Variants in CFH observed in about 807,000 individuals in gnomAD.
CFH encodes H factor 1 (complement).
Under a neutral mutation model 147.3 loss-of-function variants are expected in CFH, and 53 were observed. The observed-to-expected ratio is 0.36, with a 90% CI of 0.29 to 0.45. The LOEUF is 0.45. Among genes scored for constraint, CFH ranks in the 20% least tolerant of loss-of-function variants. The pLI is 1.00. For missense variants in CFH, 1,380 were observed against 1,498.0 expected, an observed-to-expected ratio of 0.92 and a Z score of 1.30; for synonymous variants, 536 against 489.4, an observed-to-expected ratio of 1.10 and a Z score of -1.26.
chr1:196,673,140 T>G lies in CFH; in HGVS notation c.221T>G (p.Leu74Arg). ...TGCAGGAAGGGAGAATGGGTTGCTC[T>G]TAATCCATTAAGGAAATGTCAGAGT... ...MVCRKGEWVA[L>R]NPLRKCQKRP... Residue 74 changes from leucine (L) to arginine (R), a missense_variant, in exon 2 of 22, where the codon CTT (leucine) becomes CGT (arginine). Around this residue, in one of 4 missense-constraint regions of CFH, gnomAD observed 260 missense variants for 263.3 expected, o/e 0.99. Coordinates refer to ENST00000367429, the MANE Select transcript of CFH (RefSeq NM_000186.4). 1 of 1,613,472 alleles carries G rather than the reference T, an allele frequency of 6.2e-7. No homozygotes were observed. The highest frequency in any genetic ancestry group is 8.5e-7 in the Non-Finnish European group (1 of 1,179,564).
intron 18 of CFH, chr1:196,741,135 G>A (rs1652796537): frequency 1.1e-5 from 3 of 277,196 alleles, no homozygotes; most frequent in Non-Finnish European, 2.1e-5. Context: ...TACATTTTCT[G>A]AAATATTTTA....
intron 9 of CFH, chr1:196,701,277 G>T: frequency 6.2e-7 from 1 of 1,613,614 alleles, no homozygotes. Context: ...ATCTCAGCAA[G>T]CCTAACTCAG....
intron 9 of CFH, among the ~76,000 whole-genome samples, chr1:196,708,572 A>T (rs1668649733): frequency 2.0e-5 from 3 of 151,756 alleles, no homozygotes; most frequent in Admixed American, 1.3e-4. Context: ...AGCCTGTAAA[A>T]AAAGATCCCT....
At position 196,740,606 on chromosome 1, in the gene CFH, C is replaced by CTT; in HGVS notation, c.2783-4_2783-3dup. 1 of 1,396,484 alleles carries CTT rather than the reference C, an allele frequency of 7.2e-7. No homozygotes were observed. The highest frequency in any genetic ancestry group is 1.4e-5 in the African/African-American group (1 of 69,046). The allele number at this position is 1,396,484 out of a possible 1,614,324, so 86.5% of individuals were successfully genotyped here. A position where few individuals can be genotyped will look rare whatever the true frequency, so the allele number is the denominator to read the frequency against. On this transcript the variant is annotated splice_polypyrimidine_tract_variant and intron_variant, in intron 17 of 21. Transcript: ENST00000367429. ...TGAGTTAGTGAAACCTGAATTCATTCTTTTTTTTTTAGGCCTTCCTTGTAA... is the reference window on the plus strand; with the variant it reads ...TGAGTTAGTGAAACCTGAATTCATTCTTTTTTTTTTTTAGGCCTTCCTTGTAA...
At chr1:196,656,686 G>GTTTTTT (rs563378238) in intron 1 of CFH, among the ~76,000 whole-genome samples, 3 of 132,550 alleles carry the variant, frequency 2.3e-5, no homozygotes, top group African/African-American at 8.5e-5. Context: ...TGTGTGTTGC[G>GTTTTTT]TTTTTTTTTT....
chr1:196,702,733 T>G (rs1181261298), intron 9 of CFH, among the ~76,000 whole-genome samples: 2 of 152,112 alleles, frequency 1.3e-5, no homozygotes, highest in Non-Finnish European at 2.9e-5. Flanking sequence ...GCTGCTCAGA[T>G]TGCAGTTCCC....
intron 11 of CFH, among the ~76,000 whole-genome samples, chr1:196,724,084 C>G (rs1311192597): frequency 6.6e-6 from 1 of 152,044 alleles, no homozygotes; most frequent in Non-Finnish European, 1.5e-5. Context: ...GCAGGTTGCT[C>G]TTGCACACAG....
At chr1:196,674,585 T>G (rs1326073319) in intron 3 of CFH, among the ~76,000 whole-genome samples, 1 of 142,778 alleles carries the variant, frequency 7.0e-6, no homozygotes, top group Admixed American at 7.2e-5. Context: ...AAAATTATTT[T>G]GGAGAAAAAT....
chr1:196,667,590 G>T (rs775076837), intron 1 of CFH, among the ~76,000 whole-genome samples: 1 of 152,006 alleles, frequency 6.6e-6, no homozygotes, highest in Non-Finnish European at 1.5e-5. Context: ...TTTATTAAAA[G>T]TAATCATCAT....
rs761644740 is a variant in CFH at position 196,715,956 on chromosome 1, A to G, written c.1696+187A>G. ...TATCTCTAAAGTAGTGCATTAAATT[A>G]ATACTTCCTATGGGCCACCTACCTT... On this transcript the variant is annotated intron_variant, in intron 11 of 21. Coordinates refer to ENST00000367429, the MANE Select transcript of CFH (RefSeq NM_000186.4). Among the ~76,000 whole-genome samples, 45 of 152,122 alleles carry G rather than the reference A, an allele frequency of 3.0e-4. 1 individual carries two copies. The highest frequency in any genetic ancestry group is 8.5e-4 in the Admixed American group (13 of 15,240).
chr1:196,700,164 C>A (rs1049357421), intron 9 of CFH, among the ~76,000 whole-genome samples: 2 of 152,060 alleles, frequency 1.3e-5, no homozygotes, highest in African/African-American at 2.4e-5. Context: ...AATTGATGAC[C>A]TCAATTTTCC....
intron 9 of CFH, among the ~76,000 whole-genome samples, chr1:196,707,700 A>C (rs767921053): frequency 6.6e-6 from 1 of 152,232 alleles, no homozygotes; most frequent in Non-Finnish European, 1.5e-5. Flanking sequence ...TCTCAACCCT[A>C]TCTGAATGGA....
At chr1:196,692,556 CTTTCTTCTTTCTTTCTTT>C (rs1182387371) in intron 9 of CFH, among the ~76,000 whole-genome samples, 14 of 129,108 alleles carry the variant, frequency 1.1e-4, no homozygotes, top group African/African-American at 3.8e-4. Flanking sequence ...CTTTTTCTTT[CTTTCTTCTTTCTTTCTTT>C]TTCTTTCTTT....
rs551394238 is a variant in CFH, at chr1:196,656,320, AAAAGAAAG to A, written c.58+4161_58+4168del. ...TTCCATCTCAAAAAGAAAAAAAAAAAAAAGAAAGAAAGAAAGAAAGAAAAGGAAAAAGC... is the reference window on the plus strand; with the variant it reads ...TTCCATCTCAAAAAGAAAAAAAAAAAAAAGAAAGAAAGAAAAGGAAAAAGC... On this transcript the variant is annotated intron_variant, in intron 1 of 21. Coordinates refer to ENST00000367429, the MANE Select transcript of CFH (RefSeq NM_000186.4). Among the ~76,000 whole-genome samples the A allele has an allele frequency of 3.3e-5, 5 of 151,248 alleles. No homozygotes were observed. In the East Asian group the frequency reaches 5.8e-4, roughly 18 times the overall value.
chr1:196,735,752 CAT>C (rs1207395124), intron 15 of CFH, among the ~76,000 whole-genome samples: 2 of 151,962 alleles, frequency 1.3e-5, no homozygotes, highest in African/African-American at 4.8e-5. Context: ...ATGTTAAAAA[CAT>C]GTCAAAATAT....
intron 16 of CFH, among the ~76,000 whole-genome samples, 191 bp from the exon 17 acceptor site, chr1:196,737,284 T>C (rs1669429792): frequency 6.6e-6 from 1 of 152,196 alleles, no homozygotes; most frequent in Non-Finnish European, 1.5e-5. Context: ...AGATGATTAT[T>C]GAACAAGAGG....
chr1:196,676,534 C>A (rs779158626), intron 4 of CFH, among the ~76,000 whole-genome samples: 1 of 151,812 alleles, frequency 6.6e-6, no homozygotes, highest in Non-Finnish European at 1.5e-5. Flanking sequence ...AAACTAAGGG[C>A]GAGCTCTGTT....
chr1:196,652,049 C>A lies in CFH; in HGVS notation c.-69C>A. 1 of 1,109,100 alleles carries A rather than the reference C, an allele frequency of 9.0e-7. No individual in the cohort carries two copies. Among genetic ancestry groups the A allele is most frequent in the Non-Finnish European group, 1.4e-6 (1 of 720,950 alleles). The allele number at this position is 1,109,100 out of a possible 1,614,324, so 68.7% of individuals were successfully genotyped here. A position where few individuals can be genotyped will look rare whatever the true frequency, so the allele number is the denominator to read the frequency against. ...GTTCTTTCCTGCACTAATCACAATTCTTGGAAGAGGAGAACTGGACGTTGT... is the reference window on the plus strand; with the variant it reads ...GTTCTTTCCTGCACTAATCACAATTATTGGAAGAGGAGAACTGGACGTTGT... On this transcript the variant is annotated 5_prime_UTR_variant, in exon 1 of 22. Coordinates refer to ENST00000367429, the MANE Select transcript of CFH (RefSeq NM_000186.4).
chr1:196,739,048 C>T (rs967788046), intron 17 of CFH, among the ~76,000 whole-genome samples: 1 of 152,220 alleles, frequency 6.6e-6, no homozygotes, highest in Non-Finnish European at 1.5e-5. Context: ...CCCTTTGAGG[C>T]AATGGACCAA....
Sources: gnomAD v4.1 joint callset for allele counts (sites outside exome capture counted in the v4.1 genomes callset) on GRCh38, gnomAD v4.1.1 for gene constraint, gnomAD v4.1.1 regional missense constraint, MANE v1.5 for transcripts, NCBI Gene and HGNC (gene_info 2026-07-23, HGNC 2026-07-21) for gene names.